The following ASTN2 variants were observed in gnomAD, a reference collection of about 807,000 sequenced individuals.
ASTN2 encodes astrotactin 2.
Under a neutral mutation model 139.8 loss-of-function variants are expected in ASTN2, and 54 were observed. The observed-to-expected ratio is 0.39, with a 90% CI of 0.31 to 0.48. The LOEUF is 0.48. ASTN2 is among the 20% of genes least tolerant of loss of function. The pLI is 0.95. For missense variants in ASTN2, 1,565 were observed against 1,725.1 expected, an observed-to-expected ratio of 0.91 and a Z score of 1.64; for synonymous variants, 756 against 719.5, an observed-to-expected ratio of 1.05 and a Z score of -0.81.
At chr9:116,759,993 T>C (rs1829634227) in intron 13 of ASTN2, among the ~76,000 whole-genome samples, 1 of 152,202 alleles carries the variant, frequency 6.6e-6, no homozygotes, top group Non-Finnish European at 1.5e-5. Context: ...CTGGTTTCTT[T>C]ATCAGTCAGA....
chr9:117,068,483 C>T (rs1407523905), intron 5 of ASTN2, among the ~76,000 whole-genome samples: 2 of 115,346 alleles, frequency 1.7e-5, no homozygotes, highest in African/African-American at 6.7e-5. Flanking sequence ...TTTGGTTGTG[C>T]CTCTGCCTGG....
chr9:116,905,876 T>TGG (rs1834143993), intron 10 of ASTN2, among the ~76,000 whole-genome samples: 1 of 33,040 alleles, frequency 3.0e-5, no homozygotes, highest in African/African-American at 1.3e-4. Context: ...TGGGGGGGGG[T>TGG]GCGGGGGGTG....
chr9:116,957,283 T>G lies in ASTN2; in HGVS notation c.1889+17925A>C, dbSNP rs555508321. On this transcript the variant is annotated intron_variant, in intron 10 of 22. Transcript: ENST00000313400. ...CATACATACACATACATACACACAC[T>G]TTTTTCTTTTTTTGAACTGGGAATA... is the stretch of plus-strand genomic sequence containing the variant. 2.0e-5 allele frequency among the ~76,000 whole-genome samples: 3 copies of G among 152,300 alleles called. No homozygotes were observed. In the South Asian group the frequency reaches 6.2e-4, roughly 32 times the overall value.
At chr9:116,572,107 T>G (rs1853542929) in intron 19 of ASTN2, among the ~76,000 whole-genome samples, 1 of 152,154 alleles carries the variant, frequency 6.6e-6, no homozygotes, top group Non-Finnish European at 1.5e-5. Flanking sequence ...ATATTCTGTG[T>G]GTTCCCCTGT....
chr9:116,720,992 CAT>C (rs1230686785), intron 16 of ASTN2, among the ~76,000 whole-genome samples: 11 of 152,180 alleles, frequency 7.2e-5, no homozygotes, highest in African/African-American at 9.7e-5. Context: ...TGCCCACACA[CAT>C]GTGTGCCTTC....
chr9:117,397,810 T>C (rs374817432), intron 1 of ASTN2, among the ~76,000 whole-genome samples: 81 of 152,288 alleles, frequency 5.3e-4, no homozygotes, highest in African/African-American at 1.9e-3. Flanking sequence ...AGCCCTCCCC[T>C]GAATAGTTTG....
intron 20 of ASTN2, among the ~76,000 whole-genome samples, chr9:116,473,949 A>G (rs960687235): frequency 1.3e-5 from 2 of 152,008 alleles, no homozygotes; most frequent in Non-Finnish European, 2.9e-5. Context: ...TGTACTTGGT[A>G]TGTGTTTAAT....
intron 20 of ASTN2, among the ~76,000 whole-genome samples, chr9:116,474,734 C>T (rs1227489837): frequency 6.6e-6 from 1 of 152,180 alleles, no homozygotes; most frequent in Non-Finnish European, 1.5e-5. Context: ...ATGAACTTCT[C>T]TATCTGAGCC....
At chr9:117,039,609 A>T (rs570516570) in intron 6 of ASTN2, among the ~76,000 whole-genome samples, 4 of 152,160 alleles carry the variant, frequency 2.6e-5, no homozygotes, top group South Asian at 4.2e-4. Context: ...AAAAAAAATT[A>T]AAAAAAATAA....
At chr9:117,002,386 G>T (rs541383919) in intron 7 of ASTN2, among the ~76,000 whole-genome samples, 11 of 152,274 alleles carry the variant, frequency 7.2e-5, no homozygotes, top group African/African-American at 2.4e-4. Flanking sequence ...GAGACGAGTT[G>T]AACTCTAGTC....
rs114838842 is a variant in ASTN2, at chr9:116,876,800, T to C, written c.1890-13067A>G. ...ACATTATTTTTTAAACATGATGCAA[T>C]TGTACACTTAATAAACTATAGAGTA... is the stretch of plus-strand genomic sequence containing the variant. On this transcript the variant is annotated intron_variant, in intron 10 of 22. Transcript: ENST00000313400. Among the ~76,000 whole-genome samples the C allele has an allele frequency of 7.3e-3, 1,119 of 152,330 alleles. 8 individuals are homozygous for C. The highest frequency in any genetic ancestry group is 0.023 in the African/African-American group (947 of 41,574).
chr9:117,322,215 A>G (rs761768923), intron 1 of ASTN2, among the ~76,000 whole-genome samples: 3 of 152,096 alleles, frequency 2.0e-5, no homozygotes, highest in Non-Finnish European at 4.4e-5. Flanking sequence ...ACTCCCCCTT[A>G]TCACATTATG....
intron 4 of ASTN2, among the ~76,000 whole-genome samples, chr9:117,103,270 T>C (rs1033017093): frequency 1.3e-5 from 2 of 152,228 alleles, no homozygotes; most frequent in African/African-American, 4.8e-5. Flanking sequence ...GCATTTTAGA[T>C]ATTCTTGGCA....
At chr9:116,656,417 T>C (rs1858213434) in intron 16 of ASTN2, among the ~76,000 whole-genome samples, 1 of 152,198 alleles carries the variant, frequency 6.6e-6, no homozygotes, top group Non-Finnish European at 1.5e-5. Flanking sequence ...TAGGTTTTCA[T>C]GTAGGCCCTT....
chr9:116,611,603 T>C (rs895737856), intron 19 of ASTN2: 3 of 152,054 alleles, frequency 2.0e-5, no homozygotes, highest in Admixed American at 1.3e-4. Context: ...TTCAAAAGAA[T>C]AGTAACGGAA....
chr9:116,729,085 A>G lies in ASTN2; in HGVS notation c.2533T>C (p.Tyr845His). ...DLQLLTGDIR[Y>H]DEAMGYPMVQ... ...ATGGGGTAACCCATGGCCTCATCAT[A>G]CCTGATATCTCCTGGGAGAGAAAAT... The change falls in exon 15 of 23, where the codon TAT becomes CAT. Residue 845 changes from tyrosine to histidine, a missense_variant. Coordinates refer to ENST00000313400, the MANE Select transcript of ASTN2 (RefSeq NM_001365068.1). The G allele has an allele frequency of 6.9e-6, 11 of 1,587,562 alleles. No homozygotes were observed. The highest frequency in any genetic ancestry group is 9.4e-6 in the Non-Finnish European group (11 of 1,165,822).
chr9:117,268,177 A>G (rs1051607790), intron 2 of ASTN2, among the ~76,000 whole-genome samples: 7 of 152,154 alleles, frequency 4.6e-5, no homozygotes, highest in African/African-American at 1.4e-4. Flanking sequence ...TCTCTTGTCC[A>G]TTAGCTTTCT....
rs11451556 is a variant in ASTN2, at chr9:116,424,593, CTTTTTTT to C, written c.*1251_*1257del. On this transcript the variant is annotated 3_prime_UTR_variant, in exon 23 of 23. Coordinates refer to ENST00000313400, the MANE Select transcript of ASTN2 (RefSeq NM_001365068.1). The stretch of plus-strand genomic sequence containing the variant: ...CTCTTCTTCCTGGAGCAAATTCCAT[CTTTTTTT>C]TTTTTTTTAAGTTGTCACCTAGGCT... Among the ~76,000 whole-genome samples, 5 of 142,528 alleles carry C rather than the reference CTTTTTTT, an allele frequency of 3.5e-5. No individual in the cohort carries two copies. Among genetic ancestry groups the C allele is most frequent in the African/African-American group, 7.8e-5 (3 of 38,554 alleles). The allele number at this position is 142,528 out of a possible 152,430, so 93.5% of individuals were successfully genotyped here.
chr9:117,177,791 C>G (rs190535120), intron 3 of ASTN2, among the ~76,000 whole-genome samples: 1 of 152,154 alleles, frequency 6.6e-6, no homozygotes, highest in Non-Finnish European at 1.5e-5. Context: ...CAGCAACCTG[C>G]GACCTGTTCT....
Sources: gnomAD v4.1 joint callset for allele counts (sites outside exome capture counted in the v4.1 genomes callset) on GRCh38, gnomAD v4.1.1 for gene constraint, MANE v1.5 for transcripts, NCBI Gene and HGNC (gene_info 2026-07-23, HGNC 2026-07-21) for gene names.